The following ARHGEF10 variants were observed in gnomAD, a reference collection of about 807,000 sequenced individuals.
ARHGEF10 encodes the protein Rho guanine nucleotide exchange factor 10.
ARHGEF10 carries 140 observed loss-of-function variants against 147.4 expected under a neutral mutation model. The ratio of observed to expected loss-of-function variants is 0.95; its 90% CI spans 0.83 to 1.09. ARHGEF10 has a LOEUF of 1.09. Ranked by LOEUF, ARHGEF10 falls within the 50% of genes least tolerant of loss-of-function variation. The pLI, the probability that ARHGEF10 is intolerant of heterozygous loss-of-function variation, is 0.00. For missense variants in ARHGEF10, 2,222 were observed against 1,752.7 expected (o/e 1.27, Z -4.78); for synonymous variants, 902 against 695.8 (o/e 1.30, Z -4.67).
At chr8:1,885,365 A>T (rs987010658) in intron 10 of ARHGEF10, among the ~76,000 whole-genome samples, 1 of 152,184 alleles carries the variant, frequency 6.6e-6, no homozygotes, top group Admixed American at 6.5e-5. Context: ...CTCCTTTTTG[A>T]AGTTAAACTT....
At chr8:1,880,198 G>A in intron 9 of ARHGEF10, 34 bp downstream of exon 9, 1 of 1,495,412 alleles carries the variant, frequency 6.7e-7, no homozygotes, top group Non-Finnish European at 9.3e-7. Flanking sequence ...GCCCCCACTT[G>A]CCAGCCGGGC....
intron 15 of ARHGEF10, among the ~76,000 whole-genome samples, chr8:1,900,081 AC>A (rs1402442189): frequency 6.6e-6 from 1 of 152,244 alleles, no homozygotes; most frequent in Non-Finnish European, 1.5e-5. Flanking sequence ...TTATCAGAAT[AC>A]TTTCTAAATT....
chr8:1,885,521 T>C, intron 10 of ARHGEF10, 80 bp from the exon 11 acceptor site: 1 of 1,013,416 alleles, frequency 9.9e-7, no homozygotes, highest in East Asian at 2.6e-5. Context: ...AATATTTATT[T>C]GACTTTTTTT....
chr8:1,914,147 G>T (rs931209796), intron 18 of ARHGEF10, among the ~76,000 whole-genome samples: 1 of 152,242 alleles, frequency 6.6e-6, no homozygotes. Context: ...AAGTGAGCCC[G>T]GCCGAAGGAA....
At chr8:1,840,981 T>C (rs1803986441) in intron 1 of ARHGEF10, among the ~76,000 whole-genome samples, 1 of 152,160 alleles carries the variant, frequency 6.6e-6, no homozygotes, top group Admixed American at 6.5e-5. Context: ...ATCCTGTGAC[T>C]CCCCACATAT....
At chr8:1,924,606 C>T (rs184027748) in intron 21 of ARHGEF10, among the ~76,000 whole-genome samples, 11 of 152,308 alleles carry the variant, frequency 7.2e-5, no homozygotes, top group East Asian at 3.9e-4. Flanking sequence ...GGCTTTGTCC[C>T]GGACGGGAAA....
intron 8 of ARHGEF10, among the ~76,000 whole-genome samples, chr8:1,878,917 C>T (rs922129607): frequency 1.9e-4 from 29 of 152,254 alleles, no homozygotes; most frequent in African/African-American, 6.5e-4. Context: ...CCAGCCTCTC[C>T]TACACGTCCA....
At chr8:1,898,065 G>A (rs953737055) in intron 14 of ARHGEF10, among the ~76,000 whole-genome samples, 3 of 152,142 alleles carry the variant, frequency 2.0e-5, no homozygotes, top group Non-Finnish European at 4.4e-5. Flanking sequence ...GGAGCCGTCA[G>A]CCTCCAGGAC....
intron 26 of ARHGEF10, chr8:1,943,533 GCT>G (rs1399065712): frequency 6.6e-6 from 1 of 152,280 alleles, no homozygotes; most frequent in Admixed American, 6.5e-5. Flanking sequence ...CCAGGCAGAT[GCT>G]CTGTCTCCCA....
At chr8:1,914,024 A>C (rs1473929137) in intron 18 of ARHGEF10, among the ~76,000 whole-genome samples, 2 of 152,302 alleles carry the variant, frequency 1.3e-5, no homozygotes. Flanking sequence ...CAGAAAACAC[A>C]GTACCTCCCC....
rs766451766 is a variant in ARHGEF10 at position 1,957,297 on chromosome 8, A to C, written c.*34A>C. 6 of 1,595,462 alleles carry C rather than the reference A, an allele frequency of 3.8e-6. No homozygotes were observed. Among genetic ancestry groups the C allele is most frequent in the Non-Finnish European group, 5.1e-6 (6 of 1,173,964 alleles). ...GCCGCCTTCTGCTGTCAGAATTTGC[A>C]ATCAAGGGTGACTTCTCAGCTAATC... On this transcript the variant is annotated 3_prime_UTR_variant, in exon 29 of 29. Transcript: ENST00000349830.
chr8:1,873,278 G>A (rs1807287950), intron 7 of ARHGEF10, among the ~76,000 whole-genome samples: 1 of 152,230 alleles, frequency 6.6e-6, no homozygotes, highest in Non-Finnish European at 1.5e-5. Context: ...AGGGCACCGT[G>A]CAGAAGTATC....
rs73542439 is a variant in ARHGEF10, at chr8:1,864,369, G to T, written c.482-4G>T. 1 of 1,614,034 alleles carries T rather than the reference G, an allele frequency of 6.2e-7. No individual in the cohort carries two copies. Among genetic ancestry groups the T allele is most frequent in the Non-Finnish European group, 8.5e-7 (1 of 1,179,984 alleles). ...GCAGCATCACATATTTTCTTTCCCAGCAGAAACACCAGAAGTCACAGAAGA... is the reference window on the plus strand; with the variant it reads ...GCAGCATCACATATTTTCTTTCCCATCAGAAACACCAGAAGTCACAGAAGA... On this transcript the variant is annotated splice_polypyrimidine_tract_variant and splice_region_variant and intron_variant, in intron 4 of 28. Coordinates refer to ENST00000349830, the MANE Select transcript of ARHGEF10 (RefSeq NM_014629.4).
At chr8:1,920,186 T>C (rs1330267029) in intron 18 of ARHGEF10, among the ~76,000 whole-genome samples, 1 of 152,164 alleles carries the variant, frequency 6.6e-6, no homozygotes, top group African/African-American at 2.4e-5. Flanking sequence ...CGTGCATTTA[T>C]ACATGTGTGA....
chr8:1,889,802 ACTTC>A (rs1217522458), intron 11 of ARHGEF10, among the ~76,000 whole-genome samples: 31 of 133,662 alleles, frequency 2.3e-4, no homozygotes, highest in African/African-American at 8.2e-4. Flanking sequence ...GTGAGCAGAC[ACTTC>A]ATGGGAGGAG....
intron 1 of ARHGEF10, among the ~76,000 whole-genome samples, chr8:1,839,120 C>T (rs182002907): frequency 8.2e-4 from 124 of 150,520 alleles, no homozygotes; most frequent in Middle Eastern, 3.6e-3. Context: ...GGTGTGGGGA[C>T]TGTCTGGTGT....
At position 1,957,374 on chromosome 8, in the gene ARHGEF10, A is replaced by G; in HGVS notation, c.*111A>G. On this transcript the variant is annotated 3_prime_UTR_variant, in exon 29 of 29. Coordinates refer to ENST00000349830, the MANE Select transcript of ARHGEF10 (RefSeq NM_014629.4). ...CTACACTGGTTGGGAATAAATTAAA[A>G]ACAGTATTTGGGGGAGAAACGTGCA... The G allele has an allele frequency of 6.8e-7, 1 of 1,469,774 alleles. No homozygotes were observed. Among genetic ancestry groups the G allele is most frequent in the South Asian group, 1.2e-5 (1 of 80,830 alleles). 91.0% of individuals were successfully genotyped at this position (1,469,774 alleles called of 1,614,324 possible). A position where few individuals can be genotyped will look rare whatever the true frequency, so the allele number is the denominator to read the frequency against.
At chr8:1,827,672 T>C (rs1453307839) in intron 1 of ARHGEF10, among the ~76,000 whole-genome samples, 4 of 152,190 alleles carry the variant, frequency 2.6e-5, no homozygotes, top group Admixed American at 2.0e-4. Flanking sequence ...CTGCTTTTTG[T>C]TGTATCATTA....
In ARHGEF10 at chr8:1,955,029, T is replaced by A. The variant is rs148120692; in HGVS notation, c.3521-1720T>A. Among the ~76,000 whole-genome samples the A allele has an allele frequency of 3.6e-3, 494 of 137,498 alleles. 21 individuals are homozygous for A. Among genetic ancestry groups the A allele is most frequent in the African/African-American group, 0.014 (469 of 33,942 alleles). The allele number at this position is 137,498 out of a possible 152,430, so 90.2% of individuals were successfully genotyped here. A position where few individuals can be genotyped will look rare whatever the true frequency, so the allele number is the denominator to read the frequency against. On this transcript the variant is annotated intron_variant, in intron 28 of 28. Transcript: ENST00000349830. Reference sequence around the variant, plus strand: ...AGGTGCTCCCTGAAAGGAGGTGCACTCTCACTGTTTTTCTGGATGGGTAGC... The same window carrying A: ...AGGTGCTCCCTGAAAGGAGGTGCACACTCACTGTTTTTCTGGATGGGTAGC...
Sources: gnomAD v4.1 joint callset for allele counts (sites outside exome capture counted in the v4.1 genomes callset) on GRCh38, gnomAD v4.1.1 for gene constraint, MANE v1.5 for transcripts, NCBI Gene and HGNC (gene_info 2026-07-23, HGNC 2026-07-21) for gene names.